The following CNTN5 variants were observed in gnomAD, a reference collection of about 807,000 sequenced individuals.
CNTN5 encodes the protein contactin 5.
Under a neutral mutation model 129.1 loss-of-function variants are expected in CNTN5, and 77 were observed. The observed-to-expected ratio is 0.60, with a 90% CI of 0.50 to 0.72. The LOEUF (loss-of-function observed/expected upper bound fraction) is 0.72, where lower values mean the gene tolerates loss of function less well. Among genes scored for constraint, CNTN5 ranks in the 30% least tolerant of loss-of-function variants. CNTN5 has a pLI of 0.00. For synonymous variants in CNTN5, 509 were observed against 465.6 expected (o/e 1.09, Z -1.20); for missense variants, 1,478 against 1,328.8 (o/e 1.11, Z -1.75).
At chr11:99,977,848 A>G (rs1938090959) in intron 8 of CNTN5, among the ~76,000 whole-genome samples, 1 of 152,226 alleles carries the variant, frequency 6.6e-6, no homozygotes, top group Non-Finnish European at 1.5e-5. Flanking sequence ...TAACAAATAC[A>G]CTAGTCAGGC....
chr11:99,450,654 C>G (rs1403384978), intron 2 of CNTN5, among the ~76,000 whole-genome samples: 1 of 151,882 alleles, frequency 6.6e-6, no homozygotes, highest in Non-Finnish European at 1.5e-5. Context: ...CCTTATTGCA[C>G]TATATTGTAC....
At chr11:100,159,724 A>G (rs1256855336) in intron 13 of CNTN5, among the ~76,000 whole-genome samples, 1 of 151,934 alleles carries the variant, frequency 6.6e-6, no homozygotes, top group African/African-American at 2.4e-5. Flanking sequence ...TCTAAAGATA[A>G]CAAGGTGACA....
At chr11:100,137,708 G>C (rs1317298795) in intron 13 of CNTN5, among the ~76,000 whole-genome samples, 1 of 152,106 alleles carries the variant, frequency 6.6e-6, no homozygotes, top group Non-Finnish European at 1.5e-5. Context: ...CTTCAGTTCT[G>C]CTGGTAAATT....
At chr11:100,096,255 T>C (rs1945005019) in intron 13 of CNTN5, among the ~76,000 whole-genome samples, 1 of 152,106 alleles carries the variant, frequency 6.6e-6, no homozygotes, top group African/African-American at 2.4e-5. Flanking sequence ...TTATTTAATC[T>C]TCCTAGGCTT....
intron 1 of CNTN5, among the ~76,000 whole-genome samples, chr11:99,121,042 G>T (rs1364213955): frequency 6.6e-6 from 1 of 152,020 alleles, no homozygotes; most frequent in Non-Finnish European, 1.5e-5. Flanking sequence ...GCTTCAGTAG[G>T]CCTGTTATGG....
chr11:99,532,599 G>A (rs1947754431), intron 2 of CNTN5, among the ~76,000 whole-genome samples: 1 of 152,164 alleles, frequency 6.6e-6, no homozygotes, highest in East Asian at 1.9e-4. Flanking sequence ...GGACCCAGGA[G>A]GAGATAATGG....
At chr11:99,684,723 AAATAATTTTCGT>A (rs1452899914) in intron 3 of CNTN5, among the ~76,000 whole-genome samples, 1 of 151,798 alleles carries the variant, frequency 6.6e-6, no homozygotes, top group African/African-American at 2.4e-5. Context: ...TGTCCATTTC[AAATAATTTTCGT>A]ATGTCTTGTC....
intron 2 of CNTN5, among the ~76,000 whole-genome samples, chr11:99,450,865 T>C (rs759851338): frequency 6.1e-5 from 9 of 147,044 alleles, no homozygotes; most frequent in Non-Finnish European, 1.0e-4. Flanking sequence ...TATTAGCAAC[T>C]AGGCCAATTT....
intron 24 of CNTN5, among the ~76,000 whole-genome samples, chr11:100,352,512 A>G (rs1952440112): frequency 6.6e-6 from 1 of 151,778 alleles, no homozygotes; most frequent in Non-Finnish European, 1.5e-5. Flanking sequence ...AAATAACAAT[A>G]AAGCAAGAAT....
chr11:99,489,875 A>G (rs1394458), intron 2 of CNTN5, among the ~76,000 whole-genome samples: 149,729 of 152,192 alleles, frequency 0.98, 73,716 homozygotes, highest in East Asian at 1. Context: ...ACAAAGAGAG[A>G]GATTGAATGT....
chr11:100,287,403 G>T (rs1475604937), intron 18 of CNTN5, among the ~76,000 whole-genome samples: 2 of 150,590 alleles, frequency 1.3e-5, no homozygotes, highest in South Asian at 2.1e-4. Flanking sequence ...ACTAACAGCG[G>T]ATCTCTCGGC....
At chr11:99,363,160 T>C (rs2136112633) in intron 2 of CNTN5, among the ~76,000 whole-genome samples, 1 of 152,230 alleles carries the variant, frequency 6.6e-6, no homozygotes, top group Non-Finnish European at 1.5e-5. Flanking sequence ...ACAGATGTCT[T>C]CCATTTACTT....
At position 99,336,156 on chromosome 11, in the gene CNTN5, C is replaced by G. The variant is rs1038754230; in HGVS notation, c.-71+10672C>G. On this transcript the variant is annotated intron_variant, in intron 2 of 24. Coordinates refer to ENST00000524871, the MANE Select transcript of CNTN5 (RefSeq NM_014361.4). ...AACTACATTATTTTAACTAGTCCCT[C>G]TAACACTAGGAAAGTTCAGTCAAAA... Among the ~76,000 whole-genome samples, 38 of 152,296 alleles carry G rather than the reference C, an allele frequency of 2.5e-4. 1 individual carries two copies. The highest frequency in any genetic ancestry group is 4.1e-4 in the African/African-American group (17 of 41,550).
chr11:100,172,490 G>A (rs1336479512), intron 13 of CNTN5, among the ~76,000 whole-genome samples: 2 of 151,988 alleles, frequency 1.3e-5, no homozygotes, highest in African/African-American at 4.8e-5. Context: ...AAGTATAAGA[G>A]GACAGAGGAA....
chr11:99,709,268 C>CT (rs143491048), intron 3 of CNTN5, among the ~76,000 whole-genome samples: 13,401 of 151,756 alleles, frequency 0.088, 794 homozygotes, highest in Non-Finnish European at 0.13. Flanking sequence ...AGATCACACA[C>CT]TTTTTTTTCT....
intron 21 of CNTN5, chr11:100,309,322 C>T: frequency 7.1e-6 from 7 of 983,550 alleles, no homozygotes; most frequent in Non-Finnish European, 8.5e-6. Context: ...GGTTTCCAGG[C>T]TGAAACATAT....
At chr11:99,086,664 C>A (rs1866020971) in intron 1 of CNTN5, among the ~76,000 whole-genome samples, 1 of 152,118 alleles carries the variant, frequency 6.6e-6, no homozygotes, top group Non-Finnish European at 1.5e-5. Flanking sequence ...ACCTGCTGTA[C>A]TTTAACCAAG....
intron 3 of CNTN5, among the ~76,000 whole-genome samples, chr11:99,624,201 G>A (rs369810710): frequency 1.3e-5 from 2 of 151,264 alleles, no homozygotes; most frequent in East Asian, 2.0e-4. Context: ...CCTATTTCTC[G>A]GTGCCCTTCT....
intron 3 of CNTN5, among the ~76,000 whole-genome samples, chr11:99,612,070 C>T (rs1020520473): frequency 7.9e-5 from 12 of 152,270 alleles, no homozygotes; most frequent in African/African-American, 2.9e-4. Flanking sequence ...TACTCAGCAA[C>T]TGATATGTAG....
Sources: allele counts gnomAD v4.1 joint callset (sites outside exome capture counted in the v4.1 genomes callset), GRCh38; gene constraint gnomAD v4.1.1; transcripts MANE v1.5; gene names NCBI Gene and HGNC (gene_info 2026-07-23, HGNC 2026-07-21).